Variants in CRLF1 observed in about 807,000 individuals in gnomAD.
CRLF1 encodes cytokine receptor-like factor 1.
In CRLF1, 36 loss-of-function variants were observed where a neutral mutation model predicts 48.9. That is an observed-to-expected ratio of 0.74 (90% CI 0.56 to 0.97). The LOEUF is 0.97. Ranked by LOEUF, CRLF1 falls within the 50% of genes least tolerant of loss-of-function variation. CRLF1 has a pLI of 0.00. For missense variants in CRLF1, 534 were observed against 575.1 expected (o/e 0.93, Z 0.73); for synonymous variants, 256 against 253.4 (o/e 1.01, Z -0.10).
intron 4 of CRLF1, 44 bp from the exon 5 acceptor site, chr19:18,597,093 G>A (rs1301424546): frequency 6.3e-7 from 1 of 1,590,564 alleles, no homozygotes; most frequent in Admixed American, 1.7e-5. Context: ...GACTGTCTGG[G>A]TTTAACTCCC....
intron 1 of CRLF1, among the ~76,000 whole-genome samples, chr19:18,600,377 T>TA (rs1163213953): frequency 6.6e-6 from 1 of 151,176 alleles, no homozygotes; most frequent in Non-Finnish European, 1.5e-5. Context: ...TTTTGTATTT[T>TA]TTTTTTTTTG....
chr19:18,596,847 G>T, intron 5 of CRLF1, 45 bp downstream of exon 5: 1 of 1,613,346 alleles, frequency 6.2e-7, no homozygotes, highest in Non-Finnish European at 8.5e-7. Flanking sequence ...AGCGGGGGCG[G>T]GGCCTGGAAG....
At chr19:18,601,542 TG>T (rs1431409390) in intron 1 of CRLF1, among the ~76,000 whole-genome samples, 3 of 152,328 alleles carry the variant, frequency 2.0e-5, no homozygotes, top group Admixed American at 6.5e-5. Context: ...CCCAAAGTGC[TG>T]GGATTACAGG....
intron 6 of CRLF1, among the ~76,000 whole-genome samples, chr19:18,595,411 G>A (rs1360167069): frequency 6.6e-6 from 1 of 152,222 alleles, no homozygotes; most frequent in Non-Finnish European, 1.5e-5. Flanking sequence ...CCCCTCCCTA[G>A]CTCTGGGACC....
At chr19:18,594,030 G>GGGGGGGGGGGCCCCCCCCC in intron 8 of CRLF1, 35 bp downstream of exon 8, 1 of 1,315,310 alleles carries the variant, frequency 7.6e-7, no homozygotes. Flanking sequence ...CCCTCCCCTT[G>GGGGGGGGGGGCCCCCCCCC]CTCCCTCCCG....
intron 2 of CRLF1, 111 bp downstream of exon 2, chr19:18,599,454 A>T: frequency 6.9e-7 from 1 of 1,458,774 alleles, no homozygotes; most frequent in Non-Finnish European, 9.5e-7. Context: ...TAGCCATGCC[A>T]GTGTGCCCAC....
chr19:18,593,508 T>G lies in CRLF1; in HGVS notation c.*58A>C. Reference sequence around the variant, plus strand: ...AGTGAGGGTACAGAGGTGGCCCCAGTTTGGGTTCGGCCTCTGCGTCTCCAC... The same window carrying G: ...AGTGAGGGTACAGAGGTGGCCCCAGGTTGGGTTCGGCCTCTGCGTCTCCAC... On this transcript the variant is annotated 3_prime_UTR_variant, in exon 9 of 9. Coordinates refer to ENST00000392386, the MANE Select transcript of CRLF1 (RefSeq NM_004750.5). 6.2e-7 allele frequency: 1 copy of G among 1,603,456 alleles called. No homozygotes were observed. The highest frequency in any genetic ancestry group is 8.5e-7 in the Non-Finnish European group (1 of 1,175,406).
In CRLF1 at chr19:18,602,958, G is replaced by GC. The variant is rs1429568712; in HGVS notation, c.116-3113dup. The stretch of plus-strand genomic sequence containing the variant: ...ACTCTTGACCTCCAGTGATCCACCC[G>GC]CCTTGGCCTCCCAAAGTGCTGGGAT... On this transcript the variant is annotated intron_variant, in intron 1 of 8. Coordinates refer to ENST00000392386, the MANE Select transcript of CRLF1 (RefSeq NM_004750.5). 2.0e-5 allele frequency among the ~76,000 whole-genome samples: 3 copies of GC among 152,168 alleles called. No individual in the cohort carries two copies. In the East Asian group the frequency reaches 5.8e-4, roughly 29 times the overall value.
At chr19:18,603,944 G>A (rs1222759095) in intron 1 of CRLF1, among the ~76,000 whole-genome samples, 2 of 152,122 alleles carry the variant, frequency 1.3e-5, no homozygotes, top group African/African-American at 4.8e-5. Context: ...CAGGCAGCCA[G>A]CCGCCCGCTA....
intron 6 of CRLF1, among the ~76,000 whole-genome samples, chr19:18,594,668 A>G (rs984158182): frequency 6.6e-6 from 1 of 151,346 alleles, no homozygotes; most frequent in Non-Finnish European, 1.5e-5. Flanking sequence ...CCTCCTCCAC[A>G]TCTCCTCCAG....
At position 18,594,080 on chromosome 19, in the gene CRLF1, G is replaced by C; in HGVS notation, c.1240C>G (p.Arg414Gly). 8.3e-7 allele frequency: 1 copy of C among 1,208,254 alleles called. No homozygotes were observed. The highest frequency in any genetic ancestry group is 2.1e-5 in the African/African-American group (1 of 48,416). The allele number at this position is 1,208,254 out of a possible 1,614,324, so 74.8% of individuals were successfully genotyped here. A position where few individuals can be genotyped will look rare whatever the true frequency, so the allele number is the denominator to read the frequency against. Residue 414 changes from arginine to glycine, a missense_variant, in exon 8 of 9, where the codon CGG (arginine) becomes GGG (glycine). Physicochemically the swap from Arg to Gly is moderately radical, Grantham distance 125. Transcript: ENST00000392386. ...CCCACCTTACCTCTCGCCGTGCCCC[G>C]TCTGCCCGAGGGCAGGATCCCCTCG... ...QDEGILPSGRRGTARGPAR is the reference protein window; with the variant it reads ...QDEGILPSGRGGTARGPAR
rs1235921317 is a variant in CRLF1 at position 18,594,452 on chromosome 19, G to C, written c.1025-18C>G. The stretch of plus-strand genomic sequence containing the variant: ...CGGGCGCTCTGGTGGTGGGCGGAGC[G>C]GCAGTGTCAGAGCGCGCCCGGCAGG... On this transcript the variant is annotated intron_variant, in intron 6 of 8. Transcript: ENST00000392386. 1.5e-6 allele frequency: 2 copies of C among 1,379,144 alleles called. No homozygotes were observed. The highest frequency in any genetic ancestry group is 1.9e-6 in the Non-Finnish European group (2 of 1,068,156). 85.4% of individuals were successfully genotyped at this position (1,379,144 alleles called of 1,614,324 possible).
chr19:18,597,034 G>T lies in CRLF1; in HGVS notation c.713C>A (p.Pro238Gln), dbSNP rs1293552373. Residue 238 changes from proline to glutamine, a missense_variant, in exon 5 of 9, where the codon CCG becomes CAG. Around this residue, in one of 2 missense-constraint regions of CRLF1, gnomAD observed 528 missense variants for 555.7 expected, o/e 0.95. Coordinates refer to ENST00000392386, the MANE Select transcript of CRLF1 (RefSeq NM_004750.5). Reference protein sequence around the residue: ...DILDVVTTDPPPDVHVSRVGG... With the variant: ...DILDVVTTDPQPDVHVSRVGG... Reference sequence around the variant, plus strand: ...GACGCGGCTCACGTGCACGTCGGGCGGGGGGTCCGTGGTCACTGCGGGGCA... The same window carrying T: ...GACGCGGCTCACGTGCACGTCGGGCTGGGGGTCCGTGGTCACTGCGGGGCA... 6.2e-7 allele frequency: 1 copy of T among 1,612,474 alleles called. No individual in the cohort carries two copies. Among genetic ancestry groups the T allele is most frequent in the Non-Finnish European group, 8.5e-7 (1 of 1,179,430 alleles).
In CRLF1 at chr19:18,606,009, C is replaced by T. The variant is rs1976289251; in HGVS notation, c.115+533G>A. Among the ~76,000 whole-genome samples, 1 of 151,878 alleles carries T rather than the reference C, an allele frequency of 6.6e-6. No individual in the cohort carries two copies. The highest frequency in any genetic ancestry group is 2.4e-5 in the African/African-American group (1 of 41,410). On this transcript the variant is annotated intron_variant, in intron 1 of 8. Transcript: ENST00000392386. This position sits in a 1 kb window ranked among gnomAD's most constrained non-coding sequence, Gnocchi z 4.8. Reference sequence around the variant, plus strand: ...TGCGCCGGGTCCCGCAGGGGGAGGGCGGTGGCGCCGGCCCGTGGAGACACA... The same window carrying T: ...TGCGCCGGGTCCCGCAGGGGGAGGGTGGTGGCGCCGGCCCGTGGAGACACA...
chr19:18,593,792 G>C (rs1976088709), intron 8 of CRLF1: 1 of 985,354 alleles, frequency 1.0e-6, no homozygotes, highest in Non-Finnish European at 1.2e-6. Context: ...GCGCCCATGC[G>C]TGCTAACTAG....
intron 1 of CRLF1, among the ~76,000 whole-genome samples, chr19:18,603,447 A>G (rs111538037): frequency 0.012 from 1,844 of 152,290 alleles, 44 homozygotes; most frequent in African/African-American, 0.041. Flanking sequence ...GCGGTGGGAA[A>G]TGAGGTTTGA....
At chr19:18,598,078 G>A (rs928225624) in intron 4 of CRLF1, among the ~76,000 whole-genome samples, 6 of 151,948 alleles carry the variant, frequency 3.9e-5, no homozygotes, top group Admixed American at 2.6e-4. Context: ...CCCGCCCTGC[G>A]CCCCCCAGCT....
intron 1 of CRLF1, among the ~76,000 whole-genome samples, chr19:18,602,782 AC>A (rs770750208): frequency 1.0e-3 from 150 of 146,768 alleles, no homozygotes; most frequent in Non-Finnish European, 1.2e-3. Context: ...TCAGTGTTCT[AC>A]TTTTTTTTTT....
intron 6 of CRLF1, 80 bp from the exon 7 acceptor site, chr19:18,594,514 G>A: frequency 2.7e-6 from 3 of 1,125,828 alleles, no homozygotes; most frequent in East Asian, 3.4e-5. Flanking sequence ...ACCCCGGCGC[G>A]GCGGGACCAT....
Sources: allele counts gnomAD v4.1 joint callset (sites outside exome capture counted in the v4.1 genomes callset), GRCh38; gene constraint gnomAD v4.1.1; regional missense constraint gnomAD v4.1.1; non-coding constraint Gnocchi (gnomAD v3.1); transcripts MANE v1.5; gene names NCBI Gene and HGNC (gene_info 2026-07-23, HGNC 2026-07-21).